The following EYS variants were observed in gnomAD, a reference collection of about 807,000 sequenced individuals.
EYS encodes protein eyes shut homolog.
EYS carries 250 observed loss-of-function variants against 282.1 expected under a neutral mutation model. The observed-to-expected ratio is 0.89, with a 90% CI of 0.80 to 0.98. The LOEUF is 0.98. Among genes scored for constraint, EYS ranks in the 50% least tolerant of loss-of-function variants. The probability of loss-of-function intolerance (pLI) is 0.00; values close to 1 mark genes in which losing one functional copy is unlikely to be tolerated. For missense variants in EYS, 4,016 were observed against 3,709.0 expected (o/e 1.08, Z -2.15); for synonymous variants, 1,355 against 1,282.9 (o/e 1.06, Z -1.20).
chr6:65,657,114 A>G (rs1485112669), intron 1 of EYS, among the ~76,000 whole-genome samples: 2 of 151,840 alleles, frequency 1.3e-5, no homozygotes, highest in African/African-American at 4.8e-5. Flanking sequence ...CTTGAGACAT[A>G]CTGCTCAGGA....
intron 36 of EYS, among the ~76,000 whole-genome samples, chr6:63,818,850 T>C (rs1771248346): frequency 6.6e-6 from 1 of 152,228 alleles, no homozygotes; most frequent in Non-Finnish European, 1.5e-5. Context: ...CGTGTGGCCC[T>C]GTGGCAGTCT....
chr6:65,005,725 T>C lies in EYS; in HGVS notation c.2138-8022A>G, dbSNP rs1382371676. On this transcript the variant is annotated intron_variant, in intron 13 of 42. Transcript: ENST00000503581. ...GGATGTTGATCTGCCTGGAGCCAGC[T>C]TCCACTTTCAATTTTCTTGGAGAAG... Among the ~76,000 whole-genome samples, 3 of 148,504 alleles carry C rather than the reference T, an allele frequency of 2.0e-5. 1 individual carries two copies. The highest frequency in any genetic ancestry group is 2.0e-4 in the Admixed American group (3 of 15,008).
At chr6:63,954,964 G>GT (rs1194020401) in intron 35 of EYS, among the ~76,000 whole-genome samples, 5 of 152,098 alleles carry the variant, frequency 3.3e-5, no homozygotes, top group Admixed American at 2.6e-4. Context: ...CTCAGGGATT[G>GT]TTCAGGCCCC....
rs1202929661 is a variant in EYS at position 64,937,590 on chromosome 6, AC to A, written c.2381+8202del. ...ATGAAAATCAAATGTGCATTGAAAT[AC>A]CATTTCACACCTACTAGAAGGGTTA... On this transcript the variant is annotated intron_variant, in intron 15 of 42. Transcript: ENST00000503581. 4.0e-5 allele frequency among the ~76,000 whole-genome samples: 6 copies of A among 151,692 alleles called. No homozygotes were observed. The South Asian group carries it at 1.2e-3, about 31-fold the overall frequency.
At chr6:65,268,279 T>C (rs570243779) in intron 12 of EYS, among the ~76,000 whole-genome samples, 1 of 152,028 alleles carries the variant, frequency 6.6e-6, no homozygotes, top group Non-Finnish European at 1.5e-5. Context: ...TACCAAATTA[T>C]TAAAGAGATA....
chr6:64,253,013 C>T (rs1922966), intron 30 of EYS, among the ~76,000 whole-genome samples: 47,512 of 151,880 alleles, frequency 0.31, 7,450 homozygotes, highest in East Asian at 0.51. Flanking sequence ...ATAAAGGCCA[C>T]TGCATATTAC....
chr6:64,544,279 T>G (rs922286438), intron 26 of EYS, among the ~76,000 whole-genome samples: 3 of 152,190 alleles, frequency 2.0e-5, no homozygotes, highest in Non-Finnish European at 4.4e-5. Flanking sequence ...GTATATGTAG[T>G]TGCACACTGA....
rs1276511581 is a variant in EYS at position 63,789,154 on chromosome 6, C to A, written c.7482G>T (p.Gly2494=). The change falls in exon 38 of 43, where the codon GGG becomes GGT. Residue 2494 remains glycine (G), a synonymous_variant. Transcript: ENST00000503581. ...NGSVVYSYNL[G]SGIASIRSEP... is the part of the protein sequence containing the mutation. ...CGCTCCTGATGCTTGCTATGCCAGACCCCAGGTTATAACTATAAACCACAC... is the reference window on the plus strand; with the variant it reads ...CGCTCCTGATGCTTGCTATGCCAGAACCCAGGTTATAACTATAAACCACAC... 7.7e-6 allele frequency: 12 copies of A among 1,551,774 alleles called. No individual in the cohort carries two copies. The highest frequency in any genetic ancestry group is 9.6e-6 in the Non-Finnish European group (11 of 1,146,958).
In EYS at chr6:64,778,904, C is replaced by T. The variant is rs921225027; in HGVS notation, c.3443+34474G>A. On this transcript the variant is annotated intron_variant, in intron 22 of 42. Coordinates refer to ENST00000503581, the MANE Select transcript of EYS (RefSeq NM_001142800.2). The stretch of plus-strand genomic sequence containing the variant: ...ATGGCAAATAAGCATATGTAGCTAT[C>T]CACGCTATTTGTCATCAGAGAATTG... 5.3e-5 allele frequency among the ~76,000 whole-genome samples: 8 copies of T among 152,104 alleles called. No individual in the cohort carries two copies. The South Asian group carries it at 1.7e-3, about 32-fold the overall frequency.
intron 31 of EYS, among the ~76,000 whole-genome samples, chr6:64,170,601 A>G (rs183459224): frequency 6.6e-6 from 1 of 150,854 alleles, no homozygotes; most frequent in Admixed American, 6.6e-5. Flanking sequence ...GTCTGTATCC[A>G]AATCTCTCCT....
chr6:65,320,234 G>A (rs1476797152), intron 11 of EYS, among the ~76,000 whole-genome samples: 1 of 81,734 alleles, frequency 1.2e-5, no homozygotes. Flanking sequence ...TGGGCTGCGA[G>A]TCAGCCAATG....
chr6:65,476,702 G>A (rs1463855050), intron 5 of EYS, among the ~76,000 whole-genome samples: 8 of 151,760 alleles, frequency 5.3e-5, no homozygotes, highest in Non-Finnish European at 8.8e-5. Flanking sequence ...TCAGCCTCCC[G>A]AGTAGCTGGG....
At chr6:64,347,130 A>G (rs1771435977) in intron 29 of EYS, among the ~76,000 whole-genome samples, 1 of 151,422 alleles carries the variant, frequency 6.6e-6, no homozygotes, top group African/African-American at 2.4e-5. Context: ...TTTCTTCAAA[A>G]AAATTTTTGC....
intron 13 of EYS, among the ~76,000 whole-genome samples, chr6:65,023,363 C>T (rs1162395317): frequency 1.3e-5 from 2 of 151,990 alleles, no homozygotes; most frequent in Non-Finnish European, 2.9e-5. Context: ...TTATTTTTCT[C>T]CACCACTGGA....
At chr6:63,892,174 G>C (rs910951106) in intron 35 of EYS, among the ~76,000 whole-genome samples, 1 of 152,036 alleles carries the variant, frequency 6.6e-6, no homozygotes, top group African/African-American at 2.4e-5. Context: ...TTATAAATTT[G>C]ATGCTATTCC....
At chr6:65,043,025 C>T (rs79388817) in intron 13 of EYS, among the ~76,000 whole-genome samples, 11,423 of 151,260 alleles carry the variant, frequency 0.076, 528 homozygotes, top group African/African-American at 0.13. Context: ...TCTATAGGAC[C>T]GGGATGGCCT....
At chr6:63,882,038 A>T (rs1773145830) in intron 35 of EYS, among the ~76,000 whole-genome samples, 1 of 152,188 alleles carries the variant, frequency 6.6e-6, no homozygotes, top group African/African-American at 2.4e-5. Flanking sequence ...AAAAGAAGAG[A>T]CACACTAGAA....
At chr6:65,058,159 G>C (rs147542430) in intron 12 of EYS, among the ~76,000 whole-genome samples, 97 of 152,130 alleles carry the variant, frequency 6.4e-4, no homozygotes, top group African/African-American at 2.1e-3. Context: ...TTGTTCATTT[G>C]TTTGTTTTGG....
At chr6:63,725,339 CGTT>C (rs1313657030) in intron 42 of EYS, among the ~76,000 whole-genome samples, 1 of 151,648 alleles carries the variant, frequency 6.6e-6, no homozygotes, top group Non-Finnish European at 1.5e-5. Flanking sequence ...AAATATGTAT[CGTT>C]GTACTGATTA....
Sources: allele counts gnomAD v4.1 joint callset (sites outside exome capture counted in the v4.1 genomes callset), GRCh38; gene constraint gnomAD v4.1.1; transcripts MANE v1.5; gene names NCBI Gene and HGNC (gene_info 2026-07-23, HGNC 2026-07-21).